The following CNTN5 variants were observed in gnomAD, a reference collection of about 807,000 sequenced individuals.
CNTN5 encodes the protein contactin 5.
A neutral mutation model predicts 129.1 loss-of-function variants in CNTN5; 77 were observed. The ratio of observed to expected loss-of-function variants is 0.60; its 90% CI spans 0.50 to 0.72. CNTN5 has a LOEUF of 0.72. CNTN5 is among the 30% of genes least tolerant of loss of function. The probability of loss-of-function intolerance (pLI) is 0.00; values close to 1 mark genes in which losing one functional copy is unlikely to be tolerated. For missense variants in CNTN5, 1,478 were observed against 1,328.8 expected, an observed-to-expected ratio of 1.11 and a Z score of -1.75; for synonymous variants, 509 against 465.6, an observed-to-expected ratio of 1.09 and a Z score of -1.20.
chr11:99,857,228 C>A (rs530632549), intron 6 of CNTN5, among the ~76,000 whole-genome samples: 39 of 152,262 alleles, frequency 2.6e-4, no homozygotes, highest in Admixed American at 7.2e-4. Flanking sequence ...ACTATAAACT[C>A]ATTGAGGGCA....
chr11:99,274,140 A>G (rs560144892), intron 1 of CNTN5, among the ~76,000 whole-genome samples: 17 of 151,888 alleles, frequency 1.1e-4, no homozygotes, highest in South Asian at 1.0e-3. Context: ...CCATCATCAC[A>G]GAATGTTCCA....
intron 3 of CNTN5, among the ~76,000 whole-genome samples, chr11:99,662,243 A>T (rs2135919760): frequency 6.6e-6 from 1 of 152,274 alleles, no homozygotes; most frequent in East Asian, 1.9e-4. Flanking sequence ...GTTAATAATG[A>T]CATAAAATTA....
chr11:100,356,061 C>T, intron 24 of CNTN5, 56 bp from the exon 25 acceptor site: 1 of 1,194,202 alleles, frequency 8.4e-7, no homozygotes, highest in Non-Finnish European at 1.2e-6. Context: ...ACAATTCTGT[C>T]CTAGCTCAAG....
chr11:99,406,886 G>T (rs1942095960), intron 2 of CNTN5, among the ~76,000 whole-genome samples: 1 of 152,054 alleles, frequency 6.6e-6, no homozygotes, highest in Non-Finnish European at 1.5e-5. Flanking sequence ...ATTCCCTTAT[G>T]GCCCAAGGGC....
At chr11:99,951,395 T>C (rs895447975) in intron 7 of CNTN5, among the ~76,000 whole-genome samples, 1 of 152,182 alleles carries the variant, frequency 6.6e-6, no homozygotes, top group African/African-American at 2.4e-5. Context: ...TACTTGTTGA[T>C]ATCCCAGTTG....
chr11:99,200,183 C>G (rs1859101916), intron 1 of CNTN5, among the ~76,000 whole-genome samples: 1 of 152,092 alleles, frequency 6.6e-6, no homozygotes, highest in Non-Finnish European at 1.5e-5. Flanking sequence ...CTCTCACCAC[C>G]ACCATATTAC....
intron 2 of CNTN5, among the ~76,000 whole-genome samples, chr11:99,416,318 C>G (rs907641027): frequency 6.6e-6 from 1 of 151,884 alleles, no homozygotes; most frequent in African/African-American, 2.4e-5. Flanking sequence ...TGTTCTGTCA[C>G]CCAGGCTGAC....
intron 9 of CNTN5, among the ~76,000 whole-genome samples, chr11:100,054,416 T>G (rs1348504889): frequency 4.0e-5 from 6 of 151,860 alleles, no homozygotes; most frequent in Admixed American, 1.3e-4. Context: ...ACCTAACCAG[T>G]ATTTTCCTGA....
At chr11:99,574,958 A>C (rs1452556946) in intron 3 of CNTN5, among the ~76,000 whole-genome samples, 1 of 152,176 alleles carries the variant, frequency 6.6e-6, no homozygotes, top group African/African-American at 2.4e-5. Context: ...ATTTTTGGGA[A>C]ATAGACTGGA....
intron 8 of CNTN5, among the ~76,000 whole-genome samples, chr11:99,973,676 G>A (rs539729835): frequency 6.6e-6 from 1 of 152,176 alleles, no homozygotes; most frequent in East Asian, 1.9e-4. Context: ...ATTGAGTAAT[G>A]TATGGTGGAT....
chr11:99,830,705 A>G (rs952526602), intron 4 of CNTN5, among the ~76,000 whole-genome samples: 23 of 152,188 alleles, frequency 1.5e-4, no homozygotes, highest in African/African-American at 5.5e-4. Flanking sequence ...TCTTATGACC[A>G]TTCATCAAAA....
intron 13 of CNTN5, among the ~76,000 whole-genome samples, chr11:100,110,289 A>G (rs1371740770): frequency 6.6e-6 from 1 of 151,770 alleles, no homozygotes; most frequent in African/African-American, 2.4e-5. Context: ...AATTTTTAGC[A>G]TTTAAGTAAA....
At position 99,734,194 on chromosome 11, in the gene CNTN5, A is replaced by G. The variant is rs538779247; in HGVS notation, c.56-85350A>G. On this transcript the variant is annotated intron_variant, in intron 3 of 24. Transcript: ENST00000524871. ...CTGCGTAATAATCATATCAGAGTCA[A>G]TGGAGTATCCATCACCTTAAACATT... is the stretch of plus-strand genomic sequence containing the variant. Among the ~76,000 whole-genome samples, 21 of 152,348 alleles carry G rather than the reference A, an allele frequency of 1.4e-4. No homozygotes were observed. The East Asian group carries it at 1.7e-3, about 13-fold the overall frequency.
intron 1 of CNTN5, among the ~76,000 whole-genome samples, chr11:99,037,329 G>C (rs181811820): frequency 1.3e-4 from 20 of 152,182 alleles, no homozygotes; most frequent in African/African-American, 4.6e-4. Flanking sequence ...TGCTCTAAAA[G>C]CTTTAATCGT....
At position 99,918,996 on chromosome 11, in the gene CNTN5, G is replaced by C. The variant is rs189710372; in HGVS notation, c.673+2847G>C. ...TAGCCAGCCAGGTTCAGCTTAGATT[G>C]TGCAGTCCAACTCCAGCCAGTGGAG... On this transcript the variant is annotated intron_variant, in intron 7 of 24. Transcript: ENST00000524871. 2.2e-3 allele frequency among the ~76,000 whole-genome samples: 335 copies of C among 152,196 alleles called. 3 individuals are homozygous for C. The highest frequency in any genetic ancestry group is 2.1e-3 in the Non-Finnish European group (140 of 68,018).
intron 13 of CNTN5, among the ~76,000 whole-genome samples, chr11:100,126,736 T>G (rs1336913928): frequency 6.6e-6 from 1 of 152,102 alleles, no homozygotes; most frequent in African/African-American, 2.4e-5. Context: ...TGTATACAAC[T>G]TGCCATTGTA....
chr11:99,411,701 A>T (rs1565560896), intron 2 of CNTN5, among the ~76,000 whole-genome samples: 1 of 152,146 alleles, frequency 6.6e-6, no homozygotes, highest in African/African-American at 2.4e-5. Flanking sequence ...GAGCCCAAGG[A>T]AATAGAATAG....
chr11:100,288,550 T>C (rs1207657978), intron 18 of CNTN5, among the ~76,000 whole-genome samples: 1 of 152,132 alleles, frequency 6.6e-6, no homozygotes, highest in Non-Finnish European at 1.5e-5. Context: ...AAGATGTTCT[T>C]TGAAACCAAC....
chr11:99,771,839 C>T (rs956204801), intron 3 of CNTN5, among the ~76,000 whole-genome samples: 1 of 151,854 alleles, frequency 6.6e-6, no homozygotes, highest in Non-Finnish European at 1.5e-5. Flanking sequence ...GATAGATATA[C>T]ATTGAGTAGC....
Sources: allele counts gnomAD v4.1 joint callset (sites outside exome capture counted in the v4.1 genomes callset), GRCh38; gene constraint gnomAD v4.1.1; transcripts MANE v1.5; gene names NCBI Gene and HGNC (gene_info 2026-07-23, HGNC 2026-07-21).